Variants in CDNF observed in about 807,000 individuals in gnomAD.
CDNF encodes the protein cerebral dopamine neurotrophic factor.
Under a neutral mutation model 14.8 loss-of-function variants are expected in CDNF, and 9 were observed. That is an observed-to-expected ratio of 0.61 (90% CI 0.37 to 1.06). The LOEUF (loss-of-function observed/expected upper bound fraction) is 1.06. Among genes scored for constraint, CDNF ranks in the 50% least tolerant of loss-of-function variants. The pLI is 0.01. For synonymous variants in CDNF, 86 were observed against 87.2 expected, an observed-to-expected ratio of 0.99 and a Z score of 0.07; for missense variants, 228 against 228.4, an observed-to-expected ratio of 1.00 and a Z score of 0.01.
intron 1 of CDNF, among the ~76,000 whole-genome samples, chr10:14,832,170 T>C (rs536928330): frequency 8.7e-4 from 133 of 152,328 alleles, no homozygotes; most frequent in South Asian, 4.6e-3. Flanking sequence ...GATAAAGTGA[T>C]ATTCAAGCAG....
Position 14,820,094 on chromosome 10 carries a change from G to A in CDNF, c.450C>T (p.Ile150=), listed in dbSNP as rs778707113. Residue 150 remains isoleucine, a synonymous_variant, in exon 4 of 4, where the codon ATC becomes ATT. Transcript: ENST00000465530. ...TGCACTCCTCCCCCCAGCTATGCAGGATCTGCTTCAGCTCTGCCACTCTCA... is the reference window on the plus strand; with the variant it reads ...TGCACTCCTCCCCCCAGCTATGCAGAATCTGCTTCAGCTCTGCCACTCTCA... ...RKMRVAELKQ[I]LHSWGEECRA... 2.5e-6 allele frequency: 4 copies of A among 1,614,148 alleles called. No homozygotes were observed. In the East Asian group the frequency reaches 6.7e-5, roughly 27 times the overall value.
Position 14,825,444 on chromosome 10 carries a change from G to A in CDNF, c.385+35C>T, listed in dbSNP as rs79576512. 2.7e-3 allele frequency: 4,377 copies of A among 1,598,544 alleles called. 98 individuals carry two copies. In the African/African-American group the frequency reaches 0.051, roughly 19 times the overall value. ...AACTTTAGAGGTTTGGGAATCCATT[G>A]GACCTACTGGGAAAAACACGGGGCT... On this transcript the variant is annotated intron_variant, in intron 3 of 3. Coordinates refer to ENST00000465530, the MANE Select transcript of CDNF (RefSeq NM_001029954.3).
At chr10:14,831,492 T>C (rs1833842936) in intron 1 of CDNF, among the ~76,000 whole-genome samples, 1 of 149,462 alleles carries the variant, frequency 6.7e-6, no homozygotes, top group African/African-American at 2.4e-5. Flanking sequence ...CACACACATA[T>C]ATATACTGTA....
Position 14,825,677 on chromosome 10 carries a change from T to C in CDNF, c.244-57A>G, listed in dbSNP as rs1198667500. 1.2e-5 allele frequency: 18 copies of C among 1,559,152 alleles called. No homozygotes were observed. The East Asian group carries it at 4.0e-4, about 35-fold the overall frequency. ...AGACAATGAAGACATTCAGTATCAT[T>C]CCAGTAATGAAGGAATACAGTATCA... On this transcript the variant is annotated intron_variant, in intron 2 of 3. Transcript: ENST00000465530.
At chr10:14,833,860 A>T (rs1013998563) in intron 1 of CDNF, among the ~76,000 whole-genome samples, 2 of 152,210 alleles carry the variant, frequency 1.3e-5, no homozygotes, top group Non-Finnish European at 2.9e-5. Context: ...GTAGGATAAG[A>T]ACAAAGACTG....
At chr10:14,822,021 T>C (rs559540261) in intron 3 of CDNF, among the ~76,000 whole-genome samples, 2 of 152,364 alleles carry the variant, frequency 1.3e-5, no homozygotes, top group African/African-American at 4.8e-5. Context: ...AACACGTGAA[T>C]AAAATTAGGA....
chr10:14,832,276 A>C (rs910184814), intron 1 of CDNF, among the ~76,000 whole-genome samples: 2 of 152,216 alleles, frequency 1.3e-5, no homozygotes, highest in African/African-American at 4.8e-5. Flanking sequence ...CAAATGCAGG[A>C]GTGTCCTTGG....
chr10:14,820,208 A>G (rs1359969975), intron 3 of CDNF, 50 bp from the exon 4 acceptor site: 2 of 1,570,428 alleles, frequency 1.3e-6, no homozygotes, highest in Non-Finnish European at 1.7e-6. Context: ...TGGAAAAAAA[A>G]TCCCTATGAA....
intron 1 of CDNF, chr10:14,834,326 G>A (rs1833869258): frequency 6.6e-6 from 1 of 151,648 alleles, no homozygotes; most frequent in African/African-American, 2.4e-5. Flanking sequence ...GGGTGACAGA[G>A]TGAGGCTCTG....
intron 3 of CDNF, 43 bp downstream of exon 3, chr10:14,825,436 A>C (rs1222036832): frequency 6.3e-7 from 1 of 1,577,786 alleles, no homozygotes; most frequent in Non-Finnish European, 8.6e-7. Context: ...GAGGTTTGGG[A>C]ATCCATTGGA....
chr10:14,825,158 TA>T (rs1410027400), intron 3 of CDNF, among the ~76,000 whole-genome samples: 42 of 10,458 alleles, frequency 4.0e-3, no homozygotes, highest in Admixed American at 9.4e-3. Context: ...GGGTTTACCA[TA>T]TTGGCCAGGC....
At chr10:14,822,741 A>G (rs74124735) in intron 3 of CDNF, among the ~76,000 whole-genome samples, 5,887 of 152,292 alleles carry the variant, frequency 0.039, 385 homozygotes, top group African/African-American at 0.13. Context: ...AGTAGAACAC[A>G]ACATTTAAAA....
At chr10:14,825,046 C>T (rs920057311) in intron 3 of CDNF, among the ~76,000 whole-genome samples, 2 of 151,820 alleles carry the variant, frequency 1.3e-5, no homozygotes, top group African/African-American at 4.8e-5. Context: ...CTCTGCCTCC[C>T]GGGTTCAAGC....
intron 3 of CDNF, among the ~76,000 whole-genome samples, chr10:14,822,274 G>A (rs1833743938): frequency 6.6e-6 from 1 of 152,128 alleles, no homozygotes; most frequent in Admixed American, 6.5e-5. Context: ...TATAGATTAT[G>A]TGCAGAAAAT....
intron 2 of CDNF, among the ~76,000 whole-genome samples, chr10:14,826,430 CAGAAGAAAGAAGCAGAAGAAGCAGA>C (rs1833795287): frequency 7.4e-6 from 1 of 134,750 alleles, no homozygotes. Context: ...GCAGAAGCAG[CAGAAGAAAGAAGCAGAAGAAGCAGA>C]AGAAGAAAGA....
intron 3 of CDNF, among the ~76,000 whole-genome samples, chr10:14,821,820 C>T (rs1833740704): frequency 6.6e-6 from 1 of 152,146 alleles, no homozygotes; most frequent in Non-Finnish European, 1.5e-5. Flanking sequence ...GAAGGAAACT[C>T]ATATATAAAA....
chr10:14,833,774 C>T (rs57576331), intron 1 of CDNF, among the ~76,000 whole-genome samples: 5,643 of 151,942 alleles, frequency 0.037, 360 homozygotes, highest in African/African-American at 0.13. Flanking sequence ...GGGTCTCAGC[C>T]TTGTGAAATC....
At chr10:14,834,202 TG>T (rs1332476222) in intron 1 of CDNF, 2 of 151,730 alleles carry the variant, frequency 1.3e-5, no homozygotes, top group Non-Finnish European at 2.9e-5. Context: ...ATTTGCTGGG[TG>T]TAATGACAAG....
At chr10:14,828,557 G>C (rs930032966) in intron 1 of CDNF, among the ~76,000 whole-genome samples, 1 of 151,662 alleles carries the variant, frequency 6.6e-6, no homozygotes, top group African/African-American at 2.4e-5. Flanking sequence ...TGAGGCAGGA[G>C]AATCACTTGA....
Sources: allele counts gnomAD v4.1 joint callset (sites outside exome capture counted in the v4.1 genomes callset), GRCh38; gene constraint gnomAD v4.1.1; transcripts MANE v1.5; gene names NCBI Gene and HGNC (gene_info 2026-07-23, HGNC 2026-07-21).